Variants in ADAMTS2 observed in about 807,000 individuals in gnomAD.
The protein encoded by ADAMTS2 is A disintegrin and metalloproteinase with thrombospondin motifs 2.
ADAMTS2 carries 50 observed loss-of-function variants against 123.0 expected under a neutral mutation model. The observed-to-expected ratio is 0.41, with a 90% CI of 0.32 to 0.51. ADAMTS2 has a LOEUF of 0.51. Among genes scored for constraint, ADAMTS2 ranks in the 20% least tolerant of loss-of-function variants. The pLI, the probability that ADAMTS2 is intolerant of heterozygous loss-of-function variation, is 0.35. For synonymous variants in ADAMTS2, 678 were observed against 695.4 expected, an observed-to-expected ratio of 0.98 and a Z score of 0.39; for missense variants, 1,494 against 1,705.2, an observed-to-expected ratio of 0.88 and a Z score of 2.18.
rs547304540 is a variant in ADAMTS2 at position 179,136,870 on chromosome 5, T to C, written c.1952-828A>G. On this transcript the variant is annotated intron_variant, in intron 12 of 21. Transcript: ENST00000251582. ...CTGAAGTCCCAGCTACTCAGGAGGC[T>C]GAGGCAGGAGAATAGCTTGAACCTG... Among the ~76,000 whole-genome samples, 346 of 151,274 alleles carry C rather than the reference T, an allele frequency of 2.3e-3. 1 individual carries two copies. The highest frequency in any genetic ancestry group is 2.4e-3 in the Non-Finnish European group (166 of 67,922).
At chr5:179,320,826 GA>G (rs1316715339) in intron 2 of ADAMTS2, among the ~76,000 whole-genome samples, 1 of 152,194 alleles carries the variant, frequency 6.6e-6, no homozygotes, top group Non-Finnish European at 1.5e-5. Flanking sequence ...GGAATTGTTG[GA>G]AAGGAAAAGC....
intron 3 of ADAMTS2, among the ~76,000 whole-genome samples, chr5:179,239,802 C>T (rs758591761): frequency 1.2e-4 from 18 of 152,058 alleles, no homozygotes; most frequent in Admixed American, 2.6e-4. Flanking sequence ...GCAAAGGAAA[C>T]GGGGATGAAC....
chr5:179,180,651 G>A lies in ADAMTS2; in HGVS notation c.975+421C>T, dbSNP rs960027915. On this transcript the variant is annotated intron_variant, in intron 5 of 21. Transcript: ENST00000251582. This position sits in a 1 kb window ranked among gnomAD's most constrained non-coding sequence, Gnocchi z 4.6. ...TTACCCAGAAAACTAACTCAGGACCGCTCCACTCCCCAGAGCCCACTGGAA... is the reference window on the plus strand; with the variant it reads ...TTACCCAGAAAACTAACTCAGGACCACTCCACTCCCCAGAGCCCACTGGAA... 1.1e-4 allele frequency among the ~76,000 whole-genome samples: 16 copies of A among 152,038 alleles called. No individual in the cohort carries two copies. The highest frequency in any genetic ancestry group is 3.9e-4 in the Admixed American group (6 of 15,266).
chr5:179,185,317 G>A lies in ADAMTS2; in HGVS notation c.892-4162C>T, dbSNP rs1764143750. 6.6e-6 allele frequency among the ~76,000 whole-genome samples: 1 copy of A among 152,194 alleles called. No individual in the cohort carries two copies. Among genetic ancestry groups the A allele is most frequent in the East Asian group, 1.9e-4 (1 of 5,184 alleles). On this transcript the variant is annotated intron_variant, in intron 4 of 21. Coordinates refer to ENST00000251582, the MANE Select transcript of ADAMTS2 (RefSeq NM_014244.5). This position sits in a 1 kb window ranked among gnomAD's most constrained non-coding sequence, Gnocchi z 5.9. ...AGCTTTGGGGATGAGTGCAGAGAAG[G>A]GACGGATGTGAGGGATGATGTGGAT...
At chr5:179,169,025 C>T (rs547179751) in intron 5 of ADAMTS2, among the ~76,000 whole-genome samples, 1 of 152,370 alleles carries the variant, frequency 6.6e-6, no homozygotes, top group South Asian at 2.1e-4. Context: ...CCTTCCCAGG[C>T]ATGAGCCAGT....
At chr5:179,217,193 G>A (rs1246621393) in intron 3 of ADAMTS2, among the ~76,000 whole-genome samples, 2 of 152,216 alleles carry the variant, frequency 1.3e-5, no homozygotes, top group Non-Finnish European at 2.9e-5. Flanking sequence ...TGCTACCAAG[G>A]TTAGAAGTTT....
At chr5:179,207,365 A>G in intron 4 of ADAMTS2, 148 bp downstream of exon 4, 2 of 815,344 alleles carry the variant, frequency 2.5e-6, no homozygotes, top group Non-Finnish European at 4.0e-6. Flanking sequence ...GGACCCAGCA[A>G]GCCTCCCTGA....
Position 179,158,846 on chromosome 5 carries a change from G to A in ADAMTS2, c.1009C>T (p.Gln337Ter). Residue 337 changes from glutamine to a stop codon, truncating the protein, a stop_gained, in exon 6 of 22, where the codon CAG (glutamine) becomes TAG (stop). Coordinates refer to ENST00000251582, the MANE Select transcript of ADAMTS2 (RefSeq NM_014244.5). LOFTEE classifies it high-confidence loss of function. The surrounding 1 kb of genome is among the most constrained non-coding windows in gnomAD (Gnocchi z 5.0). Reference protein sequence around the residue: ...MSLIEIGNPSQSLENVCRWAY... With the variant: ...MSLIEIGNPS ...CAGCGGCAGACATTCTCCAGGCTCT[G>A]AGAGGGGTTCCCGATCTCGATGAGG... 6.2e-7 allele frequency: 1 copy of A among 1,614,188 alleles called. No individual in the cohort carries two copies. Among genetic ancestry groups the A allele is most frequent in the Non-Finnish European group, 8.5e-7 (1 of 1,180,044 alleles).
intron 3 of ADAMTS2, among the ~76,000 whole-genome samples, chr5:179,253,479 AC>A (rs1259585654): frequency 6.6e-6 from 1 of 152,052 alleles, no homozygotes; most frequent in Non-Finnish European, 1.5e-5. Flanking sequence ...CCCCATCTCT[AC>A]AAAAAATACA....
At chr5:179,337,390 T>TGC (rs1192089286) in intron 2 of ADAMTS2, among the ~76,000 whole-genome samples, 2 of 152,028 alleles carry the variant, frequency 1.3e-5, no homozygotes, top group African/African-American at 4.8e-5. Flanking sequence ...CACACACGTG[T>TGC]ACACACTCAT....
chr5:179,287,480 T>TCC (rs1756052927), intron 2 of ADAMTS2, among the ~76,000 whole-genome samples: 1 of 152,222 alleles, frequency 6.6e-6, no homozygotes, highest in Non-Finnish European at 1.5e-5. Flanking sequence ...CAGCTGAGGC[T>TCC]GGTGTCTCAC....
chr5:179,182,116 C>G (rs903960642), intron 4 of ADAMTS2, among the ~76,000 whole-genome samples: 1 of 152,330 alleles, frequency 6.6e-6, no homozygotes, highest in East Asian at 1.9e-4. Flanking sequence ...CCCCGCAGGC[C>G]TGAGCCGCCC....
At chr5:179,169,048 G>A (rs1470033558) in intron 5 of ADAMTS2, among the ~76,000 whole-genome samples, 1 of 152,240 alleles carries the variant, frequency 6.6e-6, no homozygotes, top group Non-Finnish European at 1.5e-5. Flanking sequence ...AGGCCTGTGG[G>A]GAGGCAGAAG....
chr5:179,257,163 A>T (rs1237644063), intron 3 of ADAMTS2, among the ~76,000 whole-genome samples: 1 of 151,888 alleles, frequency 6.6e-6, no homozygotes, highest in Admixed American at 6.6e-5. Context: ...GAGTCCCCAC[A>T]CTCCTTCCCA....
At chr5:179,278,383 CTA>C (rs1377231653) in intron 2 of ADAMTS2, among the ~76,000 whole-genome samples, 3 of 151,990 alleles carry the variant, frequency 2.0e-5, no homozygotes, top group South Asian at 4.2e-4. Context: ...AAAATGTGAG[CTA>C]TGTTTTGCTG....
intron 2 of ADAMTS2, among the ~76,000 whole-genome samples, chr5:179,277,362 ACACCCCCCGAGACCAAAGGCTGACC>A (rs1766735518): frequency 1.2e-4 from 1 of 8,150 alleles, no homozygotes. Flanking sequence ...CCAAAGGCTG[ACACCCCCCGAGACCAAAGGCTGACC>A]CCCCCCCCGA....
In ADAMTS2 at chr5:179,263,693, G is replaced by A. The variant is rs184816275; in HGVS notation, c.688+9218C>T. 1.5e-4 allele frequency among the ~76,000 whole-genome samples: 23 copies of A among 152,348 alleles called. No individual in the cohort carries two copies. In the South Asian group the frequency reaches 3.9e-3, roughly 26 times the overall value. On this transcript the variant is annotated intron_variant, in intron 3 of 21. Coordinates refer to ENST00000251582, the MANE Select transcript of ADAMTS2 (RefSeq NM_014244.5). Reference sequence around the variant, plus strand: ...AAGAGCTCTGAGAGACATCCCAGCCGAAGAATCCAGCCCTTGTCCCAAACG... The same window carrying A: ...AAGAGCTCTGAGAGACATCCCAGCCAAAGAATCCAGCCCTTGTCCCAAACG...
chr5:179,228,404 T>G lies in ADAMTS2; in HGVS notation c.689-20689A>C, dbSNP rs1765336264. On this transcript the variant is annotated intron_variant, in intron 3 of 21. Transcript: ENST00000251582. The surrounding 1 kb of genome is among the most constrained non-coding windows in gnomAD (Gnocchi z 5.2). The stretch of plus-strand genomic sequence containing the variant: ...CCAGTCTGGGCACCAGCCTGTTTTC[T>G]TGTCCTCTCCAGCCAGCAGGGCAGA... 6.6e-6 allele frequency among the ~76,000 whole-genome samples: 1 copy of G among 152,114 alleles called. No individual in the cohort carries two copies. Among genetic ancestry groups the G allele is most frequent in the African/African-American group, 2.4e-5 (1 of 41,450 alleles).
In ADAMTS2 at chr5:179,234,093, C is replaced by G. The variant is rs900154661; in HGVS notation, c.689-26378G>C. 1.3e-5 allele frequency among the ~76,000 whole-genome samples: 2 copies of G among 152,202 alleles called. No individual in the cohort carries two copies. The highest frequency in any genetic ancestry group is 2.9e-5 in the Non-Finnish European group (2 of 68,026). ...GACTCCCCGTGGACTCTGCAGGTTT[C>G]CTAATGTCCTCCCAGTAACTCTTCC... On this transcript the variant is annotated intron_variant, in intron 3 of 21. Coordinates refer to ENST00000251582, the MANE Select transcript of ADAMTS2 (RefSeq NM_014244.5). This position sits in a 1 kb window ranked among gnomAD's most constrained non-coding sequence, Gnocchi z 4.7.
Sources: gnomAD v4.1 joint callset for allele counts (sites outside exome capture counted in the v4.1 genomes callset) on GRCh38, gnomAD v4.1.1 for gene constraint, Gnocchi (gnomAD v3.1) non-coding constraint, MANE v1.5 for transcripts, NCBI Gene and HGNC (gene_info 2026-07-23, HGNC 2026-07-21) for gene names.